Variants in FOLH1 observed in about 807,000 individuals in gnomAD.
FOLH1 encodes folate hydrolase 1, also known as glutamate carboxypeptidase 2.
Under a neutral mutation model 93.9 loss-of-function variants are expected in FOLH1, and 54 were observed. That is an observed-to-expected ratio of 0.57 (90% CI 0.46 to 0.72). The LOEUF (loss-of-function observed/expected upper bound fraction) is 0.72. Among genes scored for constraint, FOLH1 ranks in the 30% least tolerant of loss-of-function variants. FOLH1 has a pLI of 0.00. For missense variants in FOLH1, 571 were observed against 892.5 expected (o/e 0.64, Z 4.59); for synonymous variants, 249 against 303.6 (o/e 0.82, Z 1.87).
chr11:49,195,618 A>T (rs184734015), intron 3 of FOLH1, among the ~76,000 whole-genome samples: 24 of 152,216 alleles, frequency 1.6e-4, no homozygotes, highest in Admixed American at 1.4e-3. Context: ...TGCCAAAGCC[A>T]AAGTTTATTC....
chr11:49,191,136 G>A (rs1256885182), intron 4 of FOLH1, among the ~76,000 whole-genome samples: 1 of 151,720 alleles, frequency 6.6e-6, no homozygotes, highest in East Asian at 2.0e-4. Flanking sequence ...CTCAGCCTCC[G>A]GAGTAGCTGG....
intron 10 of FOLH1, 44 bp from the exon 11 acceptor site, chr11:49,171,321 A>G: frequency 6.6e-7 from 1 of 1,524,430 alleles, no homozygotes; most frequent in Non-Finnish European, 8.8e-7. Context: ...AAAAATTCAT[A>G]ATATACCCAG....
intron 6 of FOLH1, among the ~76,000 whole-genome samples, chr11:49,183,569 G>A (rs4929895): frequency 0.51 from 76,858 of 151,878 alleles, 21,355 homozygotes; most frequent in Admixed American, 0.62. Context: ...GTACAAAATT[G>A]TTCATAACAG....
intron 7 of FOLH1, among the ~76,000 whole-genome samples, chr11:49,178,431 A>G (rs1161832464): frequency 2.1e-4 from 32 of 152,236 alleles, no homozygotes; most frequent in Admixed American, 1.9e-3. Flanking sequence ...ATAAAAATTA[A>G]TAGTCCATAT....
chr11:49,176,090 C>T (rs180787299), intron 7 of FOLH1, 133 bp from the exon 8 acceptor site: 22 of 810,518 alleles, frequency 2.7e-5, no homozygotes, highest in Middle Eastern at 2.5e-4. Context: ...GAATATAATA[C>T]GTCATTTAAA....
rs1376458807 is a variant in FOLH1 at position 49,174,959 on chromosome 11, G to C, written c.1038C>G (p.Ile346Met). Residue 346 changes from isoleucine (I) to methionine (M), a missense_variant, in exon 9 of 19, where the codon ATC (isoleucine) becomes ATG (methionine). This residue lies in a region of FOLH1 where 500 missense variants were observed against 822.9 expected (regional missense o/e 0.61). Transcript: ENST00000256999. ...NFSTQKVKMH[I>M]HSTNEVTRIY... ...TTCTTGTCACTTCATTGGTAGAGTG[G>C]ATGTGCATCTTGACTTTTCTAATGC... The C allele has an allele frequency of 6.2e-7, 1 of 1,610,394 alleles. No homozygotes were observed. Among genetic ancestry groups the C allele is most frequent in the Admixed American group, 1.7e-5 (1 of 59,592 alleles).
intron 17 of FOLH1, among the ~76,000 whole-genome samples, chr11:49,152,667 T>G (rs1565128625): frequency 1.3e-5 from 2 of 152,146 alleles, no homozygotes; most frequent in Non-Finnish European, 2.9e-5. Flanking sequence ...TCAAAAAATA[T>G]TTTTATAATG....
chr11:49,176,165 A>G (rs1211434056), intron 7 of FOLH1, among the ~76,000 whole-genome samples: 1 of 152,144 alleles, frequency 6.6e-6, no homozygotes, highest in Non-Finnish European at 1.5e-5. Context: ...GGCTTAGATA[A>G]CATGCCCAAA....
chr11:49,177,778 T>C (rs1191070538), intron 7 of FOLH1, among the ~76,000 whole-genome samples: 3 of 106,956 alleles, frequency 2.8e-5, no homozygotes, highest in African/African-American at 7.1e-5. Flanking sequence ...AGAAACCCCG[T>C]CTCTACTAAA....
chr11:49,207,236 T>TG (rs1864079515), intron 1 of FOLH1, among the ~76,000 whole-genome samples: 1 of 146,500 alleles, frequency 6.8e-6, no homozygotes, highest in African/African-American at 2.5e-5. Flanking sequence ...TCCTAGTGGG[T>TG]GGGGGGCGGA....
intron 7 of FOLH1, among the ~76,000 whole-genome samples, chr11:49,178,277 G>T (rs1860338064): frequency 6.6e-6 from 1 of 152,086 alleles, no homozygotes; most frequent in South Asian, 2.1e-4. Flanking sequence ...ACTTTTTCCG[G>T]GACCTCTCTC....
chr11:49,147,636 A>C (rs1855923980), intron 18 of FOLH1, among the ~76,000 whole-genome samples: 1 of 152,150 alleles, frequency 6.6e-6, no homozygotes, highest in Non-Finnish European at 1.5e-5. Flanking sequence ...GTAAAGATGT[A>C]AATAAGGCCA....
intron 4 of FOLH1, among the ~76,000 whole-genome samples, chr11:49,191,799 G>T (rs1331722302): frequency 6.6e-6 from 1 of 152,134 alleles, no homozygotes; most frequent in Non-Finnish European, 1.5e-5. Flanking sequence ...CCGGGTTCAC[G>T]CCATCCTCCT....
chr11:49,181,414 G>A (rs1042496931), intron 7 of FOLH1, among the ~76,000 whole-genome samples: 3 of 151,586 alleles, frequency 2.0e-5, no homozygotes, highest in African/African-American at 7.3e-5. Context: ...CCAGCCCCAT[G>A]TTTTAATTTT....
At chr11:49,184,339 A>G (rs1861133094) in intron 6 of FOLH1, among the ~76,000 whole-genome samples, 1 of 152,200 alleles carries the variant, frequency 6.6e-6, no homozygotes, top group African/African-American at 2.4e-5. Context: ...TATAGAGCAC[A>G]AAATATAATT....
intron 3 of FOLH1, among the ~76,000 whole-genome samples, chr11:49,199,775 G>A (rs181675141): frequency 5.3e-5 from 8 of 152,158 alleles, no homozygotes; most frequent in Admixed American, 2.6e-4. Context: ...GCTGGGTGTG[G>A]TGGTGCACAC....
chr11:49,154,681 TA>T (rs1342118503), intron 15 of FOLH1, among the ~76,000 whole-genome samples, 189 bp from the exon 16 acceptor site: 1 of 152,102 alleles, frequency 6.6e-6, no homozygotes, highest in Non-Finnish European at 1.5e-5. Flanking sequence ...TTGTATCAAT[TA>T]AAATATGTGT....
At chr11:49,183,349 A>G in intron 6 of FOLH1, 107 bp from the exon 7 acceptor site, 1 of 820,064 alleles carries the variant, frequency 1.2e-6, no homozygotes, top group Non-Finnish European at 1.9e-6. Flanking sequence ...TAGAATTGTT[A>G]AAGTAAAACA....
intron 12 of FOLH1, 50 bp from the exon 13 acceptor site, chr11:49,164,822 T>G: frequency 7.1e-7 from 1 of 1,407,184 alleles, no homozygotes; most frequent in Non-Finnish European, 9.8e-7. Context: ...CTTTCTGTTA[T>G]TATTTTCTTC....
Sources: allele counts gnomAD v4.1 joint callset (sites outside exome capture counted in the v4.1 genomes callset), GRCh38; gene constraint gnomAD v4.1.1; regional missense constraint gnomAD v4.1.1; transcripts MANE v1.5; gene names NCBI Gene and HGNC (gene_info 2026-07-23, HGNC 2026-07-21).